USP37: variants seen among roughly 807,000 people sequenced by gnomAD.
USP37 encodes ubiquitin carboxyl-terminal hydrolase 37.
USP37 carries 27 observed loss-of-function variants against 124.0 expected under a neutral mutation model. That is an observed-to-expected ratio of 0.22 (90% confidence interval 0.16 to 0.30). The LOEUF is 0.30. Among genes scored for constraint, USP37 ranks in the 10% least tolerant of loss-of-function variants. The pLI, the probability that USP37 is intolerant of heterozygous loss-of-function variation, is 1.00. For synonymous variants in USP37, 365 were observed against 388.0 expected (o/e 0.94, Z 0.70); for missense variants, 889 against 1,140.4 (o/e 0.78, Z 3.17).
chr2:218,530,452 A>G (rs569729562), intron 9 of USP37, among the ~76,000 whole-genome samples: 2 of 152,336 alleles, frequency 1.3e-5, no homozygotes, highest in South Asian at 4.1e-4. Flanking sequence ...CTGCACCCAT[A>G]TAAGACGGCA....
intron 11 of USP37, among the ~76,000 whole-genome samples, chr2:218,503,357 C>T (rs769746425): frequency 1.7e-4 from 26 of 152,214 alleles, no homozygotes; most frequent in Non-Finnish European, 2.8e-4. Context: ...GGTAACTACA[C>T]GGTACGTGAA....
intron 16 of USP37, among the ~76,000 whole-genome samples, chr2:218,483,732 T>C (rs1020537997): frequency 1.3e-5 from 2 of 152,072 alleles, no homozygotes; most frequent in Non-Finnish European, 2.9e-5. Flanking sequence ...TCAAAACTAG[T>C]CTTTTTAACT....
intron 19 of USP37, 45 bp downstream of exon 19, chr2:218,476,795 A>T (rs1457610838): frequency 1.3e-6 from 2 of 1,570,286 alleles, no homozygotes. Context: ...GGACAGTAAG[A>T]GATAAACAAA....
chr2:218,541,726 A>T, intron 8 of USP37, among the ~76,000 whole-genome samples: 1 of 152,182 alleles, frequency 6.6e-6, no homozygotes, highest in East Asian at 1.9e-4. Flanking sequence ...GGGAAGCAAC[A>T]ATATGAAGAA....
Position 218,454,936 on chromosome 2 carries a change from G to A in USP37, c.2934C>T (p.Ala978=), listed in dbSNP as rs1347570719. The A allele has an allele frequency of 1.9e-6, 3 of 1,613,942 alleles. No homozygotes were observed. In the Admixed American group the frequency reaches 5.0e-5, roughly 27 times the overall value. Residue 978 remains alanine, a synonymous_variant, in exon 26 of 26, where the codon GCC becomes GCT. Transcript: ENST00000258399. ...CAACCCAGGAGTTTGTTCCTCACAAGGCCTGACGGGTAGTCTTCCCCACTT... is the reference window on the plus strand; with the variant it reads ...CAACCCAGGAGTTTGTTCCTCACAAAGCCTGACGGGTAGTCTTCCCCACTT... ...STEVGKTTRQ[A]L
chr2:218,566,291 G>A (rs75605430), intron 1 of USP37, among the ~76,000 whole-genome samples: 3,655 of 152,136 alleles, frequency 0.024, 145 homozygotes, highest in African/African-American at 0.084. Flanking sequence ...ATATGACTAG[G>A]GAAATTAAAA....
intron 10 of USP37, among the ~76,000 whole-genome samples, chr2:218,522,130 C>T (rs1046619201): frequency 6.6e-6 from 1 of 151,292 alleles, no homozygotes; most frequent in Non-Finnish European, 1.5e-5. Context: ...CCTGCCTTGG[C>T]CTCCCAAAAG....
At chr2:218,562,402 CAATT>C (rs1417665174) in intron 2 of USP37, among the ~76,000 whole-genome samples, 1 of 152,128 alleles carries the variant, frequency 6.6e-6, no homozygotes, top group African/African-American at 2.4e-5. Context: ...AATTTCTTCA[CAATT>C]ATTAAAATTA....
intron 3 of USP37, among the ~76,000 whole-genome samples, chr2:218,559,206 G>A (rs1693185351): frequency 6.6e-6 from 1 of 152,120 alleles, no homozygotes; most frequent in South Asian, 2.1e-4. Context: ...AGCTTCTAGA[G>A]GGGCTGAAGT....
At chr2:218,515,890 GAC>G (rs1371292108) in intron 10 of USP37, among the ~76,000 whole-genome samples, 1 of 152,140 alleles carries the variant, frequency 6.6e-6, no homozygotes, top group Non-Finnish European at 1.5e-5. Context: ...GATATGAACA[GAC>G]ACTTCTCAAA....
chr2:218,553,134 C>T (rs1472470827), intron 5 of USP37, among the ~76,000 whole-genome samples: 1 of 152,176 alleles, frequency 6.6e-6, no homozygotes, highest in African/African-American at 2.4e-5. Context: ...ATAGAAGTGG[C>T]AAGAGCAGGT....
At chr2:218,559,328 T>A (rs1000766151) in intron 3 of USP37, among the ~76,000 whole-genome samples, 2 of 151,772 alleles carry the variant, frequency 1.3e-5, no homozygotes, top group East Asian at 3.9e-4. Context: ...AACAAAACAA[T>A]ACAAAATTCA....
At chr2:218,522,550 C>G (rs599973) in intron 10 of USP37, among the ~76,000 whole-genome samples, 94,291 of 138,910 alleles carry the variant, frequency 0.68, 31,671 homozygotes, top group East Asian at 0.9. Flanking sequence ...GTGACAGAGG[C>G]AAACTCCACC....
chr2:218,479,795 C>G (rs1241404418), intron 17 of USP37, 80 bp from the exon 18 acceptor site: 56 of 857,506 alleles, frequency 6.5e-5, no homozygotes, highest in Non-Finnish European at 1.6e-6. Context: ...ATGAATTATT[C>G]TTACTATAAT....
intron 3 of USP37, among the ~76,000 whole-genome samples, chr2:218,559,383 CA>C (rs1693199119): frequency 6.6e-6 from 1 of 152,144 alleles, no homozygotes; most frequent in African/African-American, 2.4e-5. Context: ...CCCAAAACAT[CA>C]AAGTATATCA....
intron 10 of USP37, among the ~76,000 whole-genome samples, chr2:218,522,046 T>TC (rs1690681888): frequency 6.6e-6 from 1 of 150,404 alleles, no homozygotes; most frequent in South Asian, 2.1e-4. Context: ...GGCTTTTTTT[T>TC]TTTTTTTTTT....
chr2:218,513,300 C>T (rs1332453238), intron 10 of USP37, among the ~76,000 whole-genome samples: 1 of 152,002 alleles, frequency 6.6e-6, no homozygotes, highest in African/African-American at 2.4e-5. Flanking sequence ...CCAAGTGCTA[C>T]GATTACAGGC....
intron 15 of USP37, among the ~76,000 whole-genome samples, chr2:218,487,016 G>A (rs1176061618): frequency 6.6e-6 from 1 of 151,946 alleles, no homozygotes; most frequent in Non-Finnish European, 1.5e-5. Flanking sequence ...GTTAGCCACC[G>A]TGCCCGGCCT....
At chr2:218,508,089 G>T (rs1689773134) in intron 11 of USP37, among the ~76,000 whole-genome samples, 1 of 152,152 alleles carries the variant, frequency 6.6e-6, no homozygotes, top group Non-Finnish European at 1.5e-5. Flanking sequence ...GTTTGCTTCT[G>T]TTCTGAAGAA....
Sources: gnomAD v4.1 joint callset for allele counts (sites outside exome capture counted in the v4.1 genomes callset) on GRCh38, gnomAD v4.1.1 for gene constraint, MANE v1.5 for transcripts, NCBI Gene and HGNC (gene_info 2026-07-23, HGNC 2026-07-21) for gene names.